ARFIP1: variants seen among roughly 807,000 people sequenced by gnomAD.
ARFIP1 encodes arfaptin-1.
ARFIP1 carries 24 observed loss-of-function variants against 42.5 expected under a neutral mutation model. The observed-to-expected ratio is 0.57, with a 90% CI of 0.41 to 0.80. The LOEUF (loss-of-function observed/expected upper bound fraction) is 0.80, where lower values mean the gene tolerates loss of function less well. Among genes scored for constraint, ARFIP1 ranks in the 30% least tolerant of loss-of-function variants. The probability of loss-of-function intolerance (pLI) is 0.00; values close to 1 mark genes in which losing one functional copy is unlikely to be tolerated. For synonymous variants in ARFIP1, 141 were observed against 153.7 expected, an observed-to-expected ratio of 0.92 and a Z score of 0.61; for missense variants, 354 against 434.0, an observed-to-expected ratio of 0.82 and a Z score of 1.64.
At chr4:152,832,587 G>A (rs1391973854) in intron 2 of ARFIP1, among the ~76,000 whole-genome samples, 1 of 152,124 alleles carries the variant, frequency 6.6e-6, no homozygotes, top group East Asian at 1.9e-4. Flanking sequence ...TAATTTTAAT[G>A]AAGTCCAATT....
chr4:152,787,736 G>A (rs137964618), intron 1 of ARFIP1, among the ~76,000 whole-genome samples: 1 of 152,248 alleles, frequency 6.6e-6, no homozygotes, highest in African/African-American at 2.4e-5. Flanking sequence ...TGTGTATAAG[G>A]TGTATATGAA....
chr4:152,849,129 T>C (rs1343486571), intron 2 of ARFIP1, among the ~76,000 whole-genome samples: 1 of 152,166 alleles, frequency 6.6e-6, no homozygotes, highest in African/African-American at 2.4e-5. Flanking sequence ...TTTAAGTATA[T>C]TTTTAATATA....
At chr4:152,833,215 A>G (rs1233561660) in intron 2 of ARFIP1, among the ~76,000 whole-genome samples, 1 of 150,950 alleles carries the variant, frequency 6.6e-6, no homozygotes, top group East Asian at 1.9e-4. Context: ...GCTCAATTTA[A>G]AACTGGGGAT....
At position 152,872,436 on chromosome 4, in the gene ARFIP1, T is replaced by C. The variant is rs779007494; in HGVS notation, c.299-16T>C. The stretch of plus-strand genomic sequence containing the variant: ...TCTTCATCTGGATTGTGTTTTTATC[T>C]TTTGTTATCTTGCAGGTGGCCAGAG... On this transcript the variant is annotated splice_polypyrimidine_tract_variant and intron_variant, in intron 4 of 8. Transcript: ENST00000353617. The C allele has an allele frequency of 7.8e-6, 12 of 1,529,650 alleles. No individual in the cohort carries two copies. Among genetic ancestry groups the C allele is most frequent in the Non-Finnish European group, 9.9e-6 (11 of 1,107,620 alleles). The allele number at this position is 1,529,650 out of a possible 1,614,324, so 94.8% of individuals were successfully genotyped here.
chr4:152,842,787 T>C (rs548151806), intron 2 of ARFIP1, among the ~76,000 whole-genome samples: 10 of 152,314 alleles, frequency 6.6e-5, no homozygotes, highest in Non-Finnish European at 1.2e-4. Flanking sequence ...TCCTTTATAC[T>C]ATCTATTTCC....
intron 2 of ARFIP1, among the ~76,000 whole-genome samples, chr4:152,863,219 G>A (rs1369325481): frequency 7.9e-5 from 12 of 152,248 alleles, no homozygotes; most frequent in Non-Finnish European, 1.6e-4. Flanking sequence ...CATTAGCCAG[G>A]CTCATTGTGA....
chr4:152,810,652 CA>C (rs60385878), intron 1 of ARFIP1, among the ~76,000 whole-genome samples: 101 of 142,694 alleles, frequency 7.1e-4, no homozygotes, highest in Admixed American at 7.0e-4. Flanking sequence ...ACTAAAAATA[CA>C]AAAAAAAAAA....
chr4:152,793,621 A>G (rs1444517105), intron 1 of ARFIP1, among the ~76,000 whole-genome samples: 1 of 152,152 alleles, frequency 6.6e-6, no homozygotes, highest in East Asian at 1.9e-4. Context: ...CAGTAATAAT[A>G]AAATAGAACA....
chr4:152,835,503 G>C (rs1218877934), intron 2 of ARFIP1, among the ~76,000 whole-genome samples: 3 of 152,146 alleles, frequency 2.0e-5, no homozygotes, highest in Non-Finnish European at 4.4e-5. Context: ...AACCTTGTCA[G>C]CCTGGACTTC....
chr4:152,812,121 T>C (rs79875769), intron 1 of ARFIP1, among the ~76,000 whole-genome samples: 2,420 of 152,302 alleles, frequency 0.016, 62 homozygotes, highest in African/African-American at 0.055. Flanking sequence ...TTGCTGTAAT[T>C]TTCTCTGCTG....
At chr4:152,824,750 C>T (rs542865846) in intron 1 of ARFIP1, among the ~76,000 whole-genome samples, 7 of 152,186 alleles carry the variant, frequency 4.6e-5, no homozygotes, top group Admixed American at 3.3e-4. Context: ...AGAGGAAGTC[C>T]GGTGATCTCT....
chr4:152,868,108 A>G (rs1031834538), intron 3 of ARFIP1, among the ~76,000 whole-genome samples: 1 of 152,246 alleles, frequency 6.6e-6, no homozygotes, highest in Non-Finnish European at 1.5e-5. Flanking sequence ...GAGTATAACC[A>G]TCTACTTTTT....
intron 4 of ARFIP1, among the ~76,000 whole-genome samples, chr4:152,871,649 T>A (rs1734892555): frequency 6.6e-6 from 1 of 152,172 alleles, no homozygotes; most frequent in Non-Finnish European, 1.5e-5. Flanking sequence ...CTTATTTCAT[T>A]ATTCTTTTTA....
chr4:152,784,962 CAGAGTT>C (rs1730712712), intron 1 of ARFIP1, among the ~76,000 whole-genome samples: 1 of 152,216 alleles, frequency 6.6e-6, no homozygotes. Flanking sequence ...ATAAAAGCAG[CAGAGTT>C]AGTGGTAAGC....
chr4:152,873,521 C>A (rs1418022451), intron 5 of ARFIP1, among the ~76,000 whole-genome samples: 2 of 152,146 alleles, frequency 1.3e-5, no homozygotes, highest in Admixed American at 1.3e-4. Context: ...TGAGAAATCC[C>A]AGTGGTAGTC....
At chr4:152,790,125 A>C (rs1477077620) in intron 1 of ARFIP1, among the ~76,000 whole-genome samples, 3 of 152,308 alleles carry the variant, frequency 2.0e-5, no homozygotes, top group South Asian at 4.1e-4. Context: ...GTAACTATAT[A>C]TATGTTAAGC....
At chr4:152,905,542 A>ATTTTTTTTTT (rs1391678382) in intron 8 of ARFIP1, among the ~76,000 whole-genome samples, 4 of 45,958 alleles carry the variant, frequency 8.7e-5, no homozygotes, top group East Asian at 7.1e-4. Context: ...AATTGTAAGA[A>ATTTTTTTTTT]TTGTTTTTTT....
At chr4:152,842,094 G>A (rs1242154952) in intron 2 of ARFIP1, among the ~76,000 whole-genome samples, 1 of 152,048 alleles carries the variant, frequency 6.6e-6, no homozygotes, top group Non-Finnish European at 1.5e-5. Context: ...TTTAAACACG[G>A]GGCTTGCAAC....
chr4:152,912,059 A>T lies in ARFIP1; in HGVS notation c.*1840A>T, dbSNP rs558081891. On this transcript the variant is annotated 3_prime_UTR_variant, in exon 9 of 9. Transcript: ENST00000353617. ...AGTAAGCTATTTTTTTTCAATGTGA[A>T]TCTCTTTTGAGAGCTGAACATGTCC... 2 of 152,476 alleles carry T rather than the reference A, an allele frequency of 1.3e-5. No individual in the cohort carries two copies. Among genetic ancestry groups the T allele is most frequent in the South Asian group, 2.1e-4 (1 of 4,824 alleles). 9.4% of individuals were successfully genotyped at this position (152,476 alleles called of 1,614,324 possible).
Sources: allele counts gnomAD v4.1 joint callset (sites outside exome capture counted in the v4.1 genomes callset), GRCh38; gene constraint gnomAD v4.1.1; transcripts MANE v1.5; gene names NCBI Gene and HGNC (gene_info 2026-07-23, HGNC 2026-07-21).